The following ERC2 variants were observed in gnomAD, a reference collection of about 807,000 sequenced individuals.
ERC2 encodes ELKS/RAB6-interacting/CAST family member 2.
Under a neutral mutation model 114.8 loss-of-function variants are expected in ERC2, and 42 were observed. That is an observed-to-expected ratio of 0.37 (90% CI 0.29 to 0.47). ERC2 has a LOEUF of 0.47. Among genes scored for constraint, ERC2 ranks in the 20% least tolerant of loss-of-function variants. The probability of loss-of-function intolerance (pLI) is 0.99; values close to 1 mark genes in which losing one functional copy is unlikely to be tolerated. For missense variants in ERC2, 939 were observed against 1,150.7 expected (o/e 0.82, Z 2.66); for synonymous variants, 454 against 425.5 (o/e 1.07, Z -0.82).
At chr3:55,772,940 G>A (rs1205266539) in intron 14 of ERC2, among the ~76,000 whole-genome samples, 2 of 152,124 alleles carry the variant, frequency 1.3e-5, no homozygotes, top group Non-Finnish European at 2.9e-5. Context: ...GTCCAAAGTG[G>A]ACCATGACGC....
intron 13 of ERC2, among the ~76,000 whole-genome samples, chr3:55,916,309 C>G (rs1345816197): frequency 6.6e-6 from 1 of 152,102 alleles, no homozygotes; most frequent in Admixed American, 6.6e-5. Flanking sequence ...TCTTGGGTTT[C>G]CAAATGTTTA....
intron 3 of ERC2, among the ~76,000 whole-genome samples, chr3:56,180,716 T>C (rs2083242814): frequency 6.6e-6 from 1 of 152,178 alleles, no homozygotes; most frequent in Non-Finnish European, 1.5e-5. Context: ...GAAAAAGTCC[T>C]AGAGATTGGT....
intron 4 of ERC2, among the ~76,000 whole-genome samples, chr3:56,165,069 G>T (rs2082253701): frequency 6.6e-6 from 1 of 151,498 alleles, no homozygotes; most frequent in African/African-American, 2.4e-5. Flanking sequence ...AACACACTTG[G>T]GCCAACCAGA....
At chr3:56,215,101 G>A (rs1274893373) in intron 3 of ERC2, among the ~76,000 whole-genome samples, 1 of 151,988 alleles carries the variant, frequency 6.6e-6, no homozygotes, top group Admixed American at 6.6e-5. Flanking sequence ...GCAAAATAAC[G>A]AGCTAACATC....
intron 17 of ERC2, among the ~76,000 whole-genome samples, chr3:55,650,835 T>C (rs986426463): frequency 2.6e-5 from 3 of 115,320 alleles, no homozygotes; most frequent in African/African-American, 9.9e-5. Context: ...CTGCCTCTCA[T>C]AGGGTGTTTT....
rs1335490503 is a variant in ERC2, at chr3:56,399,943, GA to G, written c.657+34407del. ...CTCTTCAATAACTAAATAACAAATG[GA>G]AAAAAGTAAGTGAGCCTTTTAAAAT... On this transcript the variant is annotated intron_variant, in intron 2 of 17. Coordinates refer to ENST00000288221, the MANE Select transcript of ERC2 (RefSeq NM_015576.3). Among the ~76,000 whole-genome samples, 3 of 151,552 alleles carry G rather than the reference GA, an allele frequency of 2.0e-5. No individual in the cohort carries two copies. In the East Asian group the frequency reaches 5.8e-4, roughly 29 times the overall value.
At chr3:56,339,717 C>T (rs1024829701) in intron 2 of ERC2, among the ~76,000 whole-genome samples, 1 of 152,138 alleles carries the variant, frequency 6.6e-6, no homozygotes, top group Non-Finnish European at 1.5e-5. Context: ...CTCCAGCACC[C>T]TGAATCTCTG....
intron 2 of ERC2, among the ~76,000 whole-genome samples, chr3:56,300,831 C>T (rs1344371728): frequency 6.6e-6 from 1 of 152,208 alleles, no homozygotes; most frequent in Non-Finnish European, 1.5e-5. Context: ...CAAACCACGA[C>T]ATCATTGGCC....
intron 17 of ERC2, among the ~76,000 whole-genome samples, chr3:55,676,544 A>C (rs1349076986): frequency 6.6e-6 from 1 of 151,700 alleles, no homozygotes; most frequent in African/African-American, 2.4e-5. Context: ...AATTTTCACC[A>C]GATGTGAGTG....
chr3:56,144,848 T>TA (rs142217680), intron 5 of ERC2, among the ~76,000 whole-genome samples: 3,293 of 152,056 alleles, frequency 0.022, 54 homozygotes, highest in African/African-American at 0.047. Context: ...AGTTACAGGG[T>TA]AAAAAAAATC....
intron 6 of ERC2, among the ~76,000 whole-genome samples, chr3:56,081,450 T>C (rs778270310): frequency 9.9e-5 from 15 of 151,980 alleles, no homozygotes; most frequent in Non-Finnish European, 1.0e-4. Context: ...ACTCCTAAAT[T>C]AGAAAAATAC....
At chr3:56,125,334 C>T (rs568423912) in intron 6 of ERC2, among the ~76,000 whole-genome samples, 1 of 152,218 alleles carries the variant, frequency 6.6e-6, no homozygotes, top group African/African-American at 2.4e-5. Context: ...GTTTTCTAAA[C>T]TTTATTTAGA....
At chr3:55,579,638 G>A (rs1025022177) in intron 17 of ERC2, among the ~76,000 whole-genome samples, 8 of 152,350 alleles carry the variant, frequency 5.3e-5, no homozygotes, top group South Asian at 2.1e-4. Flanking sequence ...AATATACAGC[G>A]CATGCTGTGG....
intron 17 of ERC2, among the ~76,000 whole-genome samples, chr3:55,564,470 G>T (rs80135962): frequency 6.6e-5 from 10 of 152,144 alleles, no homozygotes; most frequent in African/African-American, 2.4e-4. Context: ...AAATGCTTGA[G>T]ATTGAGCTTC....
intron 13 of ERC2, among the ~76,000 whole-genome samples, chr3:55,912,322 G>A (rs1280393796): frequency 6.6e-6 from 1 of 152,132 alleles, no homozygotes; most frequent in African/African-American, 2.4e-5. Flanking sequence ...CATGGAGGTT[G>A]CCAACAGATA....
intron 10 of ERC2, among the ~76,000 whole-genome samples, chr3:56,002,456 A>G (rs1356360151): frequency 6.6e-6 from 1 of 152,180 alleles, no homozygotes; most frequent in African/African-American, 2.4e-5. Flanking sequence ...ATAAATGCAC[A>G]CAAGTCACTA....
intron 2 of ERC2, among the ~76,000 whole-genome samples, chr3:56,298,914 A>C (rs2055641717): frequency 6.6e-6 from 1 of 152,144 alleles, no homozygotes; most frequent in African/African-American, 2.4e-5. Context: ...AAAGTAATCT[A>C]ACCTTCCTCT....
At chr3:56,379,513 A>G (rs760516372) in intron 2 of ERC2, among the ~76,000 whole-genome samples, 15 of 152,158 alleles carry the variant, frequency 9.9e-5, no homozygotes, top group Admixed American at 5.9e-4. Flanking sequence ...CCATTTACTT[A>G]TGATGAAACT....
At chr3:55,800,020 T>C (rs2070910764) in intron 14 of ERC2, among the ~76,000 whole-genome samples, 1 of 152,178 alleles carries the variant, frequency 6.6e-6, no homozygotes, top group East Asian at 1.9e-4. Flanking sequence ...CGAGATGACT[T>C]CCATTATTGA....
Sources: allele counts gnomAD v4.1 joint callset (sites outside exome capture counted in the v4.1 genomes callset), GRCh38; gene constraint gnomAD v4.1.1; transcripts MANE v1.5; gene names NCBI Gene and HGNC (gene_info 2026-07-23, HGNC 2026-07-21).